VCL: variants seen among roughly 807,000 people sequenced by gnomAD.
The protein encoded by VCL is vinculin, also known as epididymis luminal protein 114.
VCL carries 47 observed loss-of-function variants against 125.7 expected under a neutral mutation model. That is an observed-to-expected ratio of 0.37 (90% confidence interval 0.30 to 0.48). VCL has a LOEUF of 0.48. VCL is among the 20% of genes least tolerant of loss of function. The pLI, the probability that VCL is intolerant of heterozygous loss-of-function variation, is 0.99. For missense variants in VCL, 1,069 were observed against 1,455.5 expected (o/e 0.73, Z 4.32); for synonymous variants, 458 against 514.6 (o/e 0.89, Z 1.49).
At chr10:74,042,582 TA>T (rs2136248474) in intron 1 of VCL, among the ~76,000 whole-genome samples, 1 of 152,336 alleles carries the variant, frequency 6.6e-6, no homozygotes, top group South Asian at 2.1e-4. Context: ...CATATTGTTT[TA>T]ATTTCAGTTT....
At chr10:74,058,893 G>A (rs1008935373) in intron 2 of VCL, among the ~76,000 whole-genome samples, 24 of 151,252 alleles carry the variant, frequency 1.6e-4, no homozygotes, top group Non-Finnish European at 3.2e-4. Flanking sequence ...CAGAAAGGGT[G>A]TGTGTGTGTG....
At chr10:74,115,367 A>G (rs895790842) in intron 21 of VCL, among the ~76,000 whole-genome samples, 5 of 151,622 alleles carry the variant, frequency 3.3e-5, no homozygotes, top group Non-Finnish European at 5.9e-5. Context: ...AAATAGCAAG[A>G]CCCCATCTCA....
At chr10:74,065,807 T>C (rs1485632425) in intron 2 of VCL, among the ~76,000 whole-genome samples, 1 of 152,114 alleles carries the variant, frequency 6.6e-6, no homozygotes, top group African/African-American at 2.4e-5. Context: ...GGTAGAAGTA[T>C]TCAATTGATA....
intron 5 of VCL, 57 bp from the exon 6 acceptor site, chr10:74,074,686 A>G (rs1839552827): frequency 6.3e-7 from 1 of 1,582,362 alleles, no homozygotes; most frequent in Non-Finnish European, 8.6e-7. Context: ...TTTTGTGAAT[A>G]TTGTTATACA....
At chr10:74,079,390 T>C (rs1188200028) in intron 6 of VCL, among the ~76,000 whole-genome samples, 1 of 152,118 alleles carries the variant, frequency 6.6e-6, no homozygotes, top group Non-Finnish European at 1.5e-5. Context: ...TTTCCCAAAG[T>C]TGAGCTTTTA....
intron 1 of VCL, among the ~76,000 whole-genome samples, chr10:74,028,842 T>C (rs1345508449): frequency 6.6e-6 from 1 of 152,240 alleles, no homozygotes; most frequent in East Asian, 1.9e-4. Flanking sequence ...CTTTGAGTTC[T>C]GTTACATAGC....
chr10:74,112,289 G>A (rs1055257556), intron 19 of VCL, among the ~76,000 whole-genome samples, 177 bp downstream of exon 19: 4 of 152,168 alleles, frequency 2.6e-5, no homozygotes, highest in African/African-American at 9.7e-5. Flanking sequence ...GTCTGCTAAC[G>A]CCAGATTAAT....
intron 8 of VCL, 135 bp from the exon 9 acceptor site, chr10:74,089,061 T>C: frequency 7.8e-7 from 1 of 1,284,428 alleles, no homozygotes; most frequent in Non-Finnish European, 1.1e-6. Context: ...TGTTTTCTTG[T>C]GCTGTCCCAG....
chr10:74,110,762 G>A (rs1324565724), intron 18 of VCL, among the ~76,000 whole-genome samples: 2 of 152,194 alleles, frequency 1.3e-5, no homozygotes, highest in Non-Finnish European at 2.9e-5. Flanking sequence ...TTCCTCTTGA[G>A]TACAGATGTT....
chr10:74,065,731 C>T (rs1186683845), intron 2 of VCL, among the ~76,000 whole-genome samples: 2 of 151,306 alleles, frequency 1.3e-5, no homozygotes, highest in African/African-American at 4.9e-5. Context: ...AATAGTTTAT[C>T]GTTTCACATT....
At chr10:74,005,544 T>C (rs140701962) in intron 1 of VCL, among the ~76,000 whole-genome samples, 23 of 152,002 alleles carry the variant, frequency 1.5e-4, no homozygotes, top group African/African-American at 3.4e-4. Context: ...GTGTGAGCCA[T>C]TGCACCCAGC....
At chr10:74,027,991 A>C (rs973317130) in intron 1 of VCL, 6 of 152,244 alleles carry the variant, frequency 3.9e-5, no homozygotes, top group African/African-American at 1.4e-4. Flanking sequence ...CAGATCATCC[A>C]GTGATGTTTT....
chr10:74,040,109 CT>C (rs1841065011), intron 1 of VCL, among the ~76,000 whole-genome samples: 3 of 152,214 alleles, frequency 2.0e-5, no homozygotes, highest in African/African-American at 7.2e-5. Context: ...AATTTTGCTT[CT>C]TTGTCTACTC....
intron 1 of VCL, among the ~76,000 whole-genome samples, chr10:74,025,696 GAGGA>G (rs371393234): frequency 4.3e-5 from 5 of 115,956 alleles, no homozygotes; most frequent in African/African-American, 3.4e-5. Flanking sequence ...GGGAGGGAGG[GAGGA>G]AGGAAGGGAG....
intron 21 of VCL, among the ~76,000 whole-genome samples, chr10:74,115,437 G>C (rs1008584250): frequency 5.9e-5 from 9 of 152,002 alleles, no homozygotes; most frequent in African/African-American, 2.2e-4. Context: ...AAAGGAATCT[G>C]GAATTGCTCT....
At chr10:74,002,789 G>C (rs1840252487) in intron 1 of VCL, among the ~76,000 whole-genome samples, 1 of 151,366 alleles carries the variant, frequency 6.6e-6, no homozygotes, top group Admixed American at 6.6e-5. Context: ...GGCTGAGGCG[G>C]GAGAATCGCT....
At chr10:74,083,581 C>T in intron 8 of VCL, 68 bp downstream of exon 8, 3 of 1,582,296 alleles carry the variant, frequency 1.9e-6, no homozygotes, top group Non-Finnish European at 2.6e-6. Context: ...ATTCAGAAAA[C>T]AAGCCTCTGC....
At position 74,035,478 on chromosome 10, in the gene VCL, A is replaced by G. The variant is rs574867941; in HGVS notation, c.169-7605A>G. On this transcript the variant is annotated intron_variant, in intron 1 of 21. Coordinates refer to ENST00000211998, the MANE Select transcript of VCL (RefSeq NM_014000.3). The stretch of plus-strand genomic sequence containing the variant: ...ACAGAGCTCCCTGCCAAGCCCCCTA[A>G]AAATGCCCCCAGGCCTCTTATTCAT... 2.0e-5 allele frequency among the ~76,000 whole-genome samples: 3 copies of G among 152,252 alleles called. No individual in the cohort carries two copies. In the South Asian group the frequency reaches 6.2e-4, roughly 32 times the overall value.
intron 2 of VCL, among the ~76,000 whole-genome samples, chr10:74,054,905 A>G (rs1475857147): frequency 6.6e-6 from 1 of 152,106 alleles, no homozygotes; most frequent in African/African-American, 2.4e-5. Flanking sequence ...TGGGTGACAG[A>G]GCAAGACTAT....
Sources: gnomAD v4.1 joint callset for allele counts (sites outside exome capture counted in the v4.1 genomes callset) on GRCh38, gnomAD v4.1.1 for gene constraint, MANE v1.5 for transcripts, NCBI Gene and HGNC (gene_info 2026-07-23, HGNC 2026-07-21) for gene names.